The following WNK1 variants were observed in gnomAD, a reference collection of about 807,000 sequenced individuals.
WNK1 encodes the protein WNK lysine deficient protein kinase 1.
A neutral mutation model predicts 222.8 loss-of-function variants in WNK1; 38 were observed. The observed-to-expected ratio is 0.17, with a 90% CI of 0.13 to 0.22. The LOEUF is 0.22. Among genes scored for constraint, WNK1 ranks in the 10% least tolerant of loss-of-function variants. WNK1 has a pLI of 1.00. For missense variants in WNK1, 2,348 were observed against 2,918.4 expected (o/e 0.80, Z 4.50); for synonymous variants, 1,090 against 1,092.9 (o/e 1.00, Z 0.05).
At chr12:768,431 C>T (rs1019012055) in intron 1 of WNK1, among the ~76,000 whole-genome samples, 4 of 152,110 alleles carry the variant, frequency 2.6e-5, no homozygotes, top group Admixed American at 6.6e-5. Context: ...CTACCATGCC[C>T]GGCCTGCTTG....
Position 862,228 on chromosome 12 carries a change from A to G in WNK1, c.2097A>G (p.Gln699=). ...CAGGGCATATACCTTCTACTGTCCA[A>G]GCACAGTCTCAGCCCCATGGGGTAT... is the stretch of plus-strand genomic sequence containing the variant. ...TVPGHIPSTV[Q]AQSQPHGVYP... is the part of the protein sequence containing the mutation. Residue 699 remains glutamine, a synonymous_variant, in exon 8 of 28, where the codon CAA becomes CAG. Transcript: ENST00000315939. 1 of 1,614,156 alleles carries G rather than the reference A, an allele frequency of 6.2e-7. No individual in the cohort carries two copies. The highest frequency in any genetic ancestry group is 8.5e-7 in the Non-Finnish European group (1 of 1,179,998).
intron 4 of WNK1, among the ~76,000 whole-genome samples, chr12:848,075 G>C (rs1950155069): frequency 6.6e-6 from 1 of 152,152 alleles, no homozygotes; most frequent in African/African-American, 2.4e-5. Flanking sequence ...AAAGTGTTGG[G>C]ATTACAGGCG....
chr12:910,056 G>A lies in WNK1; in HGVS notation c.*1264G>A, dbSNP rs1955975690. The stretch of plus-strand genomic sequence containing the variant: ...CAAACGTGATGCCTGGCCAGTGACT[G>A]TCATATAAACCTTTCTTATTTGAGC... On this transcript the variant is annotated 3_prime_UTR_variant, in exon 28 of 28. Transcript: ENST00000315939. 1 of 150,918 alleles carries A rather than the reference G, an allele frequency of 6.6e-6. No individual in the cohort carries two copies. The highest frequency in any genetic ancestry group is 1.5e-5 in the Non-Finnish European group (1 of 67,892). 9.3% of individuals were successfully genotyped at this position (150,918 alleles called of 1,614,324 possible).
In WNK1 at chr12:862,039, G is replaced by T. The variant is rs200507476; in HGVS notation, c.1952-44G>T. ...AATGTGAACCTCCATTTTGTGATTTGTCTTTCTCTCTCTCTTTTTTTTGGC... is the reference window on the plus strand; with the variant it reads ...AATGTGAACCTCCATTTTGTGATTTTTCTTTCTCTCTCTCTTTTTTTTGGC... On this transcript the variant is annotated intron_variant, in intron 7 of 27. Coordinates refer to ENST00000315939, the MANE Select transcript of WNK1 (RefSeq NM_018979.4). 8.7e-6 allele frequency: 14 copies of T among 1,610,672 alleles called. No individual in the cohort carries two copies. In the East Asian group the frequency reaches 2.9e-4, roughly 33 times the overall value.
At chr12:880,379 A>G (rs1953035297) in intron 11 of WNK1, among the ~76,000 whole-genome samples, 2 of 152,202 alleles carry the variant, frequency 1.3e-5, no homozygotes, top group South Asian at 4.1e-4. Flanking sequence ...TTAGACTGGG[A>G]AAATTAGCAT....
intron 1 of WNK1, among the ~76,000 whole-genome samples, chr12:797,253 G>A (rs1945402046): frequency 6.6e-6 from 1 of 152,006 alleles, no homozygotes; most frequent in African/African-American, 2.4e-5. Flanking sequence ...TGATTACTGT[G>A]TTCTTTAAGG....
At position 884,892 on chromosome 12, in the gene WNK1, C is replaced by A. The variant is rs773207256; in HGVS notation, c.4088C>A (p.Pro1363His). 3 of 1,614,154 alleles carry A rather than the reference C, an allele frequency of 1.9e-6. No homozygotes were observed. The highest frequency in any genetic ancestry group is 2.5e-6 in the Non-Finnish European group (3 of 1,179,998). Residue 1363 changes from proline to histidine, a missense_variant, in exon 19 of 28, where the codon CCT becomes CAT. Coordinates refer to ENST00000315939, the MANE Select transcript of WNK1 (RefSeq NM_018979.4). This position sits in a 1 kb window ranked among gnomAD's most constrained non-coding sequence, Gnocchi z 5.6. ...CCAGTCCCTGCAACAAGCAGCCCTC[C>A]TAATGACATTTCCACATCAGTAATT... is the stretch of plus-strand genomic sequence containing the variant. ...TAPVPATSSP[P>H]NDISTSVIQS...
chr12:903,015 G>A (rs533360408), intron 26 of WNK1, among the ~76,000 whole-genome samples: 1 of 152,308 alleles, frequency 6.6e-6, no homozygotes, highest in South Asian at 2.1e-4. Context: ...AGAGGCCCTT[G>A]GGCCTCTTCA....
intron 1 of WNK1, among the ~76,000 whole-genome samples, chr12:813,233 T>C (rs929161295): frequency 1.3e-4 from 20 of 152,194 alleles, no homozygotes; most frequent in Admixed American, 5.9e-4. Context: ...TTCCTGTCTT[T>C]TAAACAAACA....
rs1450970677 is a variant in WNK1 at position 896,399 on chromosome 12, A to G, written c.5912A>G (p.Lys1971Arg). The change falls in exon 24 of 28, where the codon AAG (lysine) becomes AGG (arginine). Residue 1971 changes from lysine (K) to arginine (R), a missense_variant. Physicochemically the swap from Lys to Arg is conservative, Grantham distance 26 (BLOSUM62 2). Transcript: ENST00000315939. ...ACTGAGGACAAGATCACTGACACAA[A>G]GAAAGAAGGACCAGTGGCATCTCCT... ...SKTEDKITDT[K>R]KEGPVASPPF... 2 of 1,614,200 alleles carry G rather than the reference A, an allele frequency of 1.2e-6. No homozygotes were observed. The highest frequency in any genetic ancestry group is 1.7e-6 in the Non-Finnish European group (2 of 1,180,042).
intron 20 of WNK1, 34 bp from the exon 21 acceptor site, chr12:889,106 C>A: frequency 6.3e-7 from 1 of 1,586,694 alleles, no homozygotes; most frequent in Non-Finnish European, 8.7e-7. Flanking sequence ...GAAGGTGCCA[C>A]GGAACTGTAT....
At position 753,410 on chromosome 12, in the gene WNK1, C is replaced by A; in HGVS notation, c.-156C>A. 1 of 954,096 alleles carries A rather than the reference C, an allele frequency of 1.0e-6. No individual in the cohort carries two copies. Among genetic ancestry groups the A allele is most frequent in the East Asian group, 2.7e-5 (1 of 37,378 alleles). 59.1% of individuals were successfully genotyped at this position (954,096 alleles called of 1,614,324 possible). ...TGGGCCCAGCGGTCCGCCTGTCCCT[C>A]GTTGCGGCTTGTCGGTGCTGAGTGA... On this transcript the variant is annotated 5_prime_UTR_variant, in exon 1 of 28. Transcript: ENST00000315939. The surrounding 1 kb of genome is among the most constrained non-coding windows in gnomAD (Gnocchi z 5.2).
intron 8 of WNK1, among the ~76,000 whole-genome samples, chr12:862,985 T>C (rs1951333205): frequency 6.6e-6 from 1 of 152,252 alleles, no homozygotes; most frequent in Non-Finnish European, 1.5e-5. Flanking sequence ...TTAGACACTC[T>C]TGTTTCTCAT....
At position 752,945 on chromosome 12, in the gene WNK1, T is replaced by C. The variant is rs1311527898; in HGVS notation, c.-621T>C. ...GCTCCGGCCCTTCGCCTCTGGGCGA[T>C]GGGCGACCTGTGAGGCCGGTCCCCA... On this transcript the variant is annotated 5_prime_UTR_variant, in exon 1 of 28. It removes an upstream start codon present in the reference 5' UTR. Transcript: ENST00000315939. 5 of 151,976 alleles carry C rather than the reference T, an allele frequency of 3.3e-5. No individual in the cohort carries two copies. Among genetic ancestry groups the C allele is most frequent in the African/African-American group, 1.2e-4 (5 of 41,376 alleles). 9.4% of individuals were successfully genotyped at this position (151,976 alleles called of 1,614,324 possible). A position where few individuals can be genotyped will look rare whatever the true frequency, so the allele number is the denominator to read the frequency against.
intron 26 of WNK1, among the ~76,000 whole-genome samples, chr12:902,193 G>A (rs1410441692): frequency 6.6e-6 from 1 of 151,842 alleles, no homozygotes; most frequent in Non-Finnish European, 1.5e-5. Context: ...CAGCTGCCCA[G>A]GAGGCTGAGG....
At chr12:800,168 ATATT>A (rs1289246779) in intron 1 of WNK1, among the ~76,000 whole-genome samples, 6 of 152,106 alleles carry the variant, frequency 3.9e-5, no homozygotes, top group Non-Finnish European at 8.8e-5. Context: ...TTTAAACTGA[ATATT>A]TATTTGGACT....
chr12:804,836 T>G (rs1946213225), intron 1 of WNK1, among the ~76,000 whole-genome samples: 1 of 151,520 alleles, frequency 6.6e-6, no homozygotes. Context: ...TCTGGCTTAT[T>G]TTACCTAGCT....
rs955095527 is a variant in WNK1 at position 830,118 on chromosome 12, G to A, written c.1269G>A (p.Ser423=). The A allele has an allele frequency of 1.9e-6, 3 of 1,613,942 alleles. No homozygotes were observed. Among genetic ancestry groups the A allele is most frequent in the Non-Finnish European group, 2.5e-6 (3 of 1,180,014 alleles). Reference sequence around the variant, plus strand: ...TGGCTACATCTGAATATCCTTACTCGGAGTGCCAAAATGCTGCACAGATCT... The same window carrying A: ...TGGCTACATCTGAATATCCTTACTCAGAGTGCCAAAATGCTGCACAGATCT... The part of the protein sequence containing the change: ...LEMATSEYPY[S]ECQNAAQIYR... Residue 423 remains serine, a synonymous_variant, in exon 4 of 28, where the codon TCG becomes TCA. Transcript: ENST00000315939.
Position 753,523 on chromosome 12 carries a change from T to C in WNK1, c.-43T>C, listed in dbSNP as rs370184124. ...GGCTCGGCCCTTCACGCCCTTTTCG[T>C]TCACGAATCCGAGCCCGCTCGCCTC... On this transcript the variant is annotated 5_prime_UTR_variant, in exon 1 of 28. Coordinates refer to ENST00000315939, the MANE Select transcript of WNK1 (RefSeq NM_018979.4). This position sits in a 1 kb window ranked among gnomAD's most constrained non-coding sequence, Gnocchi z 5.2. 6.2e-7 allele frequency: 1 copy of C among 1,610,212 alleles called. No individual in the cohort carries two copies. The highest frequency in any genetic ancestry group is 1.3e-5 in the African/African-American group (1 of 74,838).
Sources: gnomAD v4.1 joint callset for allele counts (sites outside exome capture counted in the v4.1 genomes callset) on GRCh38, gnomAD v4.1.1 for gene constraint, Gnocchi (gnomAD v3.1) non-coding constraint, MANE v1.5 for transcripts, NCBI Gene and HGNC (gene_info 2026-07-23, HGNC 2026-07-21) for gene names.